The following ANXA8 variants were observed in gnomAD, a reference collection of about 807,000 sequenced individuals.
The protein encoded by ANXA8 is annexin A8, also known as VAC-beta.
ANXA8 carries 9 observed loss-of-function variants against 26.8 expected under a neutral mutation model. The ratio of observed to expected loss-of-function variants is 0.34; its 90% CI spans 0.20 to 0.59. The LOEUF (loss-of-function observed/expected upper bound fraction) is 0.59, where lower values mean the gene tolerates loss of function less well. ANXA8 is among the 20% of genes least tolerant of loss of function. The pLI, the probability that ANXA8 is intolerant of heterozygous loss-of-function variation, is 0.84. For synonymous variants in ANXA8, 39 were observed against 94.8 expected, an observed-to-expected ratio of 0.41 and a Z score of 3.42; for missense variants, 83 against 238.5, an observed-to-expected ratio of 0.35 and a Z score of 4.29.
At chr10:47,571,792 T>C in the ANXA8 span, among the ~76,000 whole-genome samples, 1 of 146,432 alleles carries the variant, frequency 6.8e-6, no homozygotes, top group Non-Finnish European at 1.5e-5. Context: ...CGTGCGCAAC[T>C]GCACCTGGCT....
At chr10:47,710,156 T>C in the ANXA8 span, 1 of 767,710 alleles carries the variant, frequency 1.3e-6, no homozygotes, top group Non-Finnish European at 2.1e-6. Context: ...TTCTAAAAAA[T>C]ATTATTTGTC....
chr10:47,617,777 C>A, the ANXA8 span, among the ~76,000 whole-genome samples: 2 of 146,072 alleles, frequency 1.4e-5, no homozygotes, highest in Non-Finnish European at 3.0e-5. Flanking sequence ...CTTTTCAATG[C>A]AAATGCCAGT....
chr10:47,493,497 C>T, the ANXA8 span, among the ~76,000 whole-genome samples: 3 of 147,938 alleles, frequency 2.0e-5, no homozygotes, highest in African/African-American at 7.5e-5. Context: ...ACACAAGGGT[C>T]CTTTCTATGC....
chr10:47,487,097 C>G (rs1455804170), upstream of ANXA8: 5 of 1,010,354 alleles, frequency 4.9e-6, no homozygotes, highest in African/African-American at 8.1e-5. Flanking sequence ...TGATTGATCA[C>G]TATTCTGTGC....
chr10:47,680,608 C>G, the ANXA8 span, among the ~76,000 whole-genome samples: 2 of 151,216 alleles, frequency 1.3e-5, no homozygotes, highest in Non-Finnish European at 2.9e-5. Flanking sequence ...GCACTCCAGC[C>G]TGGGCAACAG....
the ANXA8 span, chr10:47,763,447 C>A: frequency 1.2e-6 from 1 of 866,340 alleles, no homozygotes; most frequent in Non-Finnish European, 1.4e-6. Context: ...GCTGGCCTGC[C>A]GGTAACTTAA....
chr10:47,691,012 T>C, the ANXA8 span: 1,638 of 1,611,056 alleles, frequency 1.0e-3, 23 homozygotes, highest in African/African-American at 0.02. Flanking sequence ...AAAACTGTGA[T>C]TCTAAAAGCC....
chr10:47,483,207 C>T (rs1252236436), intron 1 of ANXA8, among the ~76,000 whole-genome samples: 1 of 150,738 alleles, frequency 6.6e-6, no homozygotes, highest in African/African-American at 2.5e-5. Flanking sequence ...CAGGCCAGGT[C>T]CTCCTGCTTC....
chr10:47,973,908 T>C, the ANXA8 span, among the ~76,000 whole-genome samples: 1 of 151,140 alleles, frequency 6.6e-6, no homozygotes, highest in Non-Finnish European at 1.5e-5. Flanking sequence ...CTTTTTGTTG[T>C]TGTCGTTGGT....
At chr10:47,572,600 C>T in the ANXA8 span, among the ~76,000 whole-genome samples, 7 of 150,102 alleles carry the variant, frequency 4.7e-5, no homozygotes, top group African/African-American at 1.2e-4. Context: ...ACCTGTAATC[C>T]CAGCTACTCA....
chr10:47,558,853 A>C, the ANXA8 span, among the ~76,000 whole-genome samples: 1 of 151,806 alleles, frequency 6.6e-6, no homozygotes, highest in African/African-American at 2.4e-5. Context: ...GGTTTTATAA[A>C]AAGTGACAAT....
At chr10:47,665,366 C>T in the ANXA8 span, among the ~76,000 whole-genome samples, 5 of 150,772 alleles carry the variant, frequency 3.3e-5, no homozygotes, top group Non-Finnish European at 4.4e-5. Flanking sequence ...TTGTTACATC[C>T]GTGGAATAGC....
the ANXA8 span, among the ~76,000 whole-genome samples, chr10:47,501,059 A>G: frequency 7.0e-6 from 1 of 143,024 alleles, no homozygotes; most frequent in East Asian, 2.5e-4. Context: ...ACACCTGGCT[A>G]ATTTTTTTTT....
chr10:47,743,728 A>C, the ANXA8 span, among the ~76,000 whole-genome samples: 2 of 150,032 alleles, frequency 1.3e-5, no homozygotes, highest in Non-Finnish European at 3.0e-5. Context: ...TGCGGGCCAC[A>C]GGCCGCGGAT....
the ANXA8 span, among the ~76,000 whole-genome samples, chr10:47,707,617 G>A: frequency 8.0e-5 from 11 of 138,184 alleles, 2 homozygotes; most frequent in Non-Finnish European, 8.0e-5. Flanking sequence ...GAATTCCTGA[G>A]CTCAAGCGAT....
the ANXA8 span, among the ~76,000 whole-genome samples, chr10:47,936,697 C>T: frequency 7.0e-6 from 1 of 142,436 alleles, no homozygotes; most frequent in East Asian, 2.4e-4. Context: ...CCACTACGAT[C>T]AGATCAAGCT....
the ANXA8 span, among the ~76,000 whole-genome samples, chr10:47,936,987 G>C: frequency 6.7e-6 from 1 of 149,678 alleles, no homozygotes; most frequent in South Asian, 2.1e-4. Context: ...CTAAAGGGAG[G>C]CTGCTCTCAC....
the ANXA8 span, among the ~76,000 whole-genome samples, chr10:47,939,234 C>T: frequency 1.7e-4 from 22 of 132,726 alleles, 2 homozygotes; most frequent in East Asian, 7.2e-4. Flanking sequence ...ACCCAGGAGG[C>T]GGAGGTTGCA....
chr10:47,665,723 C>A, the ANXA8 span, among the ~76,000 whole-genome samples: 1 of 150,882 alleles, frequency 6.6e-6, no homozygotes, highest in South Asian at 2.1e-4. Context: ...ACATTTATTC[C>A]TTTCCTTTTC....
Sources: allele counts gnomAD v4.1 joint callset (sites outside exome capture counted in the v4.1 genomes callset), GRCh38; gene constraint gnomAD v4.1.1; transcripts MANE v1.5; gene names NCBI Gene and HGNC (gene_info 2026-07-23, HGNC 2026-07-21).